FBF1: variants seen among roughly 807,000 people sequenced by gnomAD.
FBF1 encodes the protein fas-binding factor 1.
Under a neutral mutation model 147.2 loss-of-function variants are expected in FBF1, and 119 were observed. That is an observed-to-expected ratio of 0.81 (90% CI 0.70 to 0.94). The LOEUF (loss-of-function observed/expected upper bound fraction) is 0.94, where lower values mean the gene tolerates loss of function less well. Ranked by LOEUF, FBF1 falls within the 40% of genes least tolerant of loss-of-function variation. The pLI is 0.00. For synonymous variants in FBF1, 601 were observed against 609.0 expected, an observed-to-expected ratio of 0.99 and a Z score of 0.19; for missense variants, 1,449 against 1,500.8, an observed-to-expected ratio of 0.97 and a Z score of 0.57.
chr17:75,921,848 G>A, intron 15 of FBF1, 97 bp downstream of exon 15: 1 of 1,127,456 alleles, frequency 8.9e-7, no homozygotes, highest in Non-Finnish European at 1.3e-6. Context: ...GGACGGGGCA[G>A]GGGCAGGGTG....
In FBF1 at chr17:75,917,820, C is replaced by T. The variant is rs1329488354; in HGVS notation, c.2417G>A (p.Arg806Gln). The stretch of plus-strand genomic sequence containing the variant: ...CCGGCTCCGCTCCTCCTCCATGTCC[C>T]GCTGCTGCTGGCCCAGCCGCTCCTG... The part of the protein sequence containing the change: ...ALQERLGQQQ[R>Q]DMEEERSRQQ... Residue 806 changes from arginine (R) to glutamine (Q), a missense_variant, in exon 23 of 30, where the codon CGG (arginine) becomes CAG (glutamine). Arg to Gln is a conservative substitution (Grantham distance 43). Transcript: ENST00000636174. The T allele has an allele frequency of 5.6e-6, 9 of 1,607,486 alleles. No individual in the cohort carries two copies. The highest frequency in any genetic ancestry group is 1.7e-5 in the Admixed American group (1 of 59,408).
intron 1 of FBF1, 113 bp from the exon 2 acceptor site, chr17:75,938,345 G>A (rs1438282042): frequency 8.2e-6 from 6 of 728,848 alleles, no homozygotes; most frequent in African/African-American, 7.1e-5. Context: ...GGGATCACCT[G>A]AGGTCAGGAA....
Position 75,915,040 on chromosome 17 carries a change from T to C in FBF1, c.2605A>G (p.Arg869Gly), listed in dbSNP as rs2065480154. The C allele has an allele frequency of 6.2e-7, 1 of 1,613,568 alleles. No homozygotes were observed. Among genetic ancestry groups the C allele is most frequent in the Non-Finnish European group, 8.5e-7 (1 of 1,179,862 alleles). ...ACCTTGGCCCGTTCCAGCTCCGCCC[T>C]TTCCATGGCCATCTGCTGGGCCGTG... ...KVTAQQMAME[R>G]AELERAKSAL... The change falls in exon 24 of 30, where the codon AGG becomes GGG. Residue 869 changes from arginine (R) to glycine (G), a missense_variant. Physicochemically the swap from Arg to Gly is moderately radical, Grantham distance 125. Transcript: ENST00000636174.
At chr17:75,911,578 G>A (rs1268363274) in intron 29 of FBF1, among the ~76,000 whole-genome samples, 2 of 152,074 alleles carry the variant, frequency 1.3e-5, no homozygotes, top group Non-Finnish European at 2.9e-5. Context: ...GAGTGCAGTG[G>A]CACCGTTGTG....
intron 5 of FBF1, 84 bp downstream of exon 5, chr17:75,932,911 G>T: frequency 5.6e-5 from 44 of 784,912 alleles, no homozygotes; most frequent in Non-Finnish European, 7.6e-5. Flanking sequence ...GCGAGCAAAT[G>T]TGAAGTAGAA....
intron 6 of FBF1, among the ~76,000 whole-genome samples, chr17:75,930,329 C>T (rs901887910): frequency 2.6e-5 from 4 of 152,236 alleles, no homozygotes; most frequent in African/African-American, 7.2e-5. Context: ...AATTCTGCTA[C>T]TTCCCACCCA....
In FBF1 at chr17:75,928,683, C is replaced by T. The variant is rs1354062782; in HGVS notation, c.280-490G>A. ...ATTAGTTGGGTGTGGTGGTGCACGC[C>T]TGTAATCCCAGCTACTTGGGAGGCT... On this transcript the variant is annotated intron_variant, in intron 7 of 29. Coordinates refer to ENST00000636174, the MANE Select transcript of FBF1 (RefSeq NM_001319193.2). This position sits in a 1 kb window ranked among gnomAD's most constrained non-coding sequence, Gnocchi z 4.2. Among the ~76,000 whole-genome samples, 6 of 151,742 alleles carry T rather than the reference C, an allele frequency of 4.0e-5. No homozygotes were observed. The highest frequency in any genetic ancestry group is 1.5e-4 in the African/African-American group (6 of 41,130).
intron 17 of FBF1, among the ~76,000 whole-genome samples, chr17:75,920,833 G>T (rs1181112740): frequency 4.7e-5 from 3 of 63,328 alleles, no homozygotes; most frequent in Non-Finnish European, 9.0e-5. Flanking sequence ...ACACTCCTGG[G>T]GGGGGGGGGG....
rs369706176 is a variant in FBF1 at position 75,926,372 on chromosome 17, A to C, written c.650T>G (p.Leu217Trp). 1 of 1,609,610 alleles carries C rather than the reference A, an allele frequency of 6.2e-7. No homozygotes were observed. The change falls in exon 11 of 30, where the codon TTG becomes TGG. Residue 217 changes from leucine to tryptophan, a missense_variant. Transcript: ENST00000636174. ...GATGTCATCCCCATCATCAAACAAC[A>C]ATTCTTCTTTTTTTCGGATGGGGGT... ...GDTPIRKKEE[L>W]LFDDGDDIMA...
At chr17:75,932,862 G>A (rs879133281) in intron 5 of FBF1, 133 bp downstream of exon 5, 66 of 580,242 alleles carry the variant, frequency 1.1e-4, no homozygotes, top group Non-Finnish European at 1.5e-4. Context: ...CTCCAGCCTC[G>A]GCAACAAATA....
In FBF1 at chr17:75,920,370, C is replaced by T; in HGVS notation, c.1734G>A (p.Gln578=). Residue 578 remains glutamine, a synonymous_variant, in exon 18 of 30, where the codon CAG becomes CAA. Transcript: ENST00000636174. ...SLLPSTEYQK[Q]LLAAQVQLQC... ...GAAGTTGCACCTGTGCTGCCAGGAG[C>T]TGCTTCTGGTATTCTGTGCTCGGCA... 6.2e-7 allele frequency: 1 copy of T among 1,605,976 alleles called. No homozygotes were observed. The highest frequency in any genetic ancestry group is 8.5e-7 in the Non-Finnish European group (1 of 1,176,890).
Position 75,925,261 on chromosome 17 carries a change from G to T in FBF1, c.968+86C>A. On this transcript the variant is annotated intron_variant, in intron 13 of 29. Coordinates refer to ENST00000636174, the MANE Select transcript of FBF1 (RefSeq NM_001319193.2). The surrounding 1 kb of genome is among the most constrained non-coding windows in gnomAD (Gnocchi z 5.0). Reference sequence around the variant, plus strand: ...TGTGGCCTCCCACATGAGACTCTCGGGTGGGACAGGGGACAGCTGCAGGGG... The same window carrying T: ...TGTGGCCTCCCACATGAGACTCTCGTGTGGGACAGGGGACAGCTGCAGGGG... 9.9e-7 allele frequency: 1 copy of T among 1,012,050 alleles called. No individual in the cohort carries two copies. Among genetic ancestry groups the T allele is most frequent in the Non-Finnish European group, 1.5e-6 (1 of 687,884 alleles). The allele number at this position is 1,012,050 out of a possible 1,614,324, so 62.7% of individuals were successfully genotyped here. A position where few individuals can be genotyped will look rare whatever the true frequency, so the allele number is the denominator to read the frequency against.
intron 3 of FBF1, 37 bp from the exon 4 acceptor site, chr17:75,935,710 AAAG>A: frequency 6.5e-7 from 1 of 1,527,584 alleles, no homozygotes; most frequent in Non-Finnish European, 8.8e-7. Context: ...CTTCAGGAGG[AAAG>A]AAGAGTGGCC....
chr17:75,919,067 C>T lies in FBF1; in HGVS notation c.2138+601G>A, dbSNP rs1471911969. ...GGAACTACAGGAGTAGCTGTCATGCCAGCTTATTTAAAAATTGTTTTTAGA... is the reference window on the plus strand; with the variant it reads ...GGAACTACAGGAGTAGCTGTCATGCTAGCTTATTTAAAAATTGTTTTTAGA... On this transcript the variant is annotated intron_variant, in intron 20 of 29. Coordinates refer to ENST00000636174, the MANE Select transcript of FBF1 (RefSeq NM_001319193.2). The surrounding 1 kb of genome is among the most constrained non-coding windows in gnomAD (Gnocchi z 5.0). Among the ~76,000 whole-genome samples, 1 of 151,700 alleles carries T rather than the reference C, an allele frequency of 6.6e-6. No homozygotes were observed. Among genetic ancestry groups the T allele is most frequent in the African/African-American group, 2.4e-5 (1 of 41,290 alleles).
chr17:75,927,329 C>T (rs548010294), intron 9 of FBF1, 126 bp downstream of exon 9: 11 of 739,876 alleles, frequency 1.5e-5, no homozygotes, highest in South Asian at 5.4e-5. Flanking sequence ...CATGAATTCA[C>T]GAGGAAGTAA....
chr17:75,922,037 G>C lies in FBF1; in HGVS notation c.1434C>G (p.Leu478=), dbSNP rs2065531238. Residue 478 remains leucine (L), a synonymous_variant, in exon 15 of 30, where the codon CTC becomes CTG. Transcript: ENST00000636174. The surrounding 1 kb of genome is among the most constrained non-coding windows in gnomAD (Gnocchi z 5.0). The part of the protein sequence containing the change: ...AGHPPSGSQP[L]TSTQGLEHAA... ...CGTGCTCAAGCCCTTGTGTGCTGGTGAGAGGTTGGCTGAGGAAAGGCAGCG... is the reference window on the plus strand; with the variant it reads ...CGTGCTCAAGCCCTTGTGTGCTGGTCAGAGGTTGGCTGAGGAAAGGCAGCG... The C allele has an allele frequency of 6.4e-7, 1 of 1,551,898 alleles. No homozygotes were observed. Among genetic ancestry groups the C allele is most frequent in the African/African-American group, 1.4e-5 (1 of 73,038 alleles).
chr17:75,924,208 T>A lies in FBF1; in HGVS notation c.969-567A>T, dbSNP rs2065546732. Among the ~76,000 whole-genome samples the A allele has an allele frequency of 2.0e-5, 3 of 152,040 alleles. No homozygotes were observed. The South Asian group carries it at 6.2e-4, about 32-fold the overall frequency. Reference sequence around the variant, plus strand: ...CAGCCTGGGCGACAGAGTGAGACTCTGTCTAAAAAAAATAATAATAAGTTG... The same window carrying A: ...CAGCCTGGGCGACAGAGTGAGACTCAGTCTAAAAAAAATAATAATAAGTTG... On this transcript the variant is annotated intron_variant, in intron 13 of 29. Coordinates refer to ENST00000636174, the MANE Select transcript of FBF1 (RefSeq NM_001319193.2).
chr17:75,929,340 A>C (rs982055990), intron 7 of FBF1, among the ~76,000 whole-genome samples: 1 of 152,068 alleles, frequency 6.6e-6, no homozygotes, highest in African/African-American at 2.4e-5. Flanking sequence ...CTAAAAAAAA[A>C]CCCAAAAAAC....
rs1340558929 is a variant in FBF1, at chr17:75,928,105, C to T, written c.368G>A (p.Gly123Glu). Reference protein sequence around the residue: ...SKKAAKDPGKGELPNHPKPAG... With the variant: ...SKKAAKDPGKEELPNHPKPAG... The stretch of plus-strand genomic sequence containing the variant: ...AGGCTTGGGGTGGTTGGGCAGCTCT[C>T]CTTTCCCAGGGTCCTTTGCAGCTTT... Residue 123 changes from glycine (G) to glutamate (E), a missense_variant, in exon 8 of 30, where the codon GGA becomes GAA. Gly to Glu is a moderately conservative substitution (Grantham distance 98). Transcript: ENST00000636174. The surrounding 1 kb of genome is among the most constrained non-coding windows in gnomAD (Gnocchi z 4.2). 6.2e-7 allele frequency: 1 copy of T among 1,613,654 alleles called. No individual in the cohort carries two copies. Among genetic ancestry groups the T allele is most frequent in the African/African-American group, 1.3e-5 (1 of 75,034 alleles).
Sources: gnomAD v4.1 joint callset for allele counts (sites outside exome capture counted in the v4.1 genomes callset) on GRCh38, gnomAD v4.1.1 for gene constraint, Gnocchi (gnomAD v3.1) non-coding constraint, MANE v1.5 for transcripts, NCBI Gene and HGNC (gene_info 2026-07-23, HGNC 2026-07-21) for gene names.